Variants in FCHSD2 observed in about 807,000 individuals in gnomAD.
FCHSD2 encodes the protein F-BAR and double SH3 domains protein 2.
In FCHSD2, 38 loss-of-function variants were observed where a neutral mutation model predicts 108.1. The ratio of observed to expected loss-of-function variants is 0.35; its 90% CI spans 0.27 to 0.46. FCHSD2 has a LOEUF of 0.46. Ranked by LOEUF, FCHSD2 falls within the 20% of genes least tolerant of loss-of-function variation. The pLI is 1.00. For synonymous variants in FCHSD2, 279 were observed against 314.7 expected, an observed-to-expected ratio of 0.89 and a Z score of 1.20; for missense variants, 751 against 897.8, an observed-to-expected ratio of 0.84 and a Z score of 2.09.
chr11:72,905,512 A>G (rs1379101648), intron 9 of FCHSD2, among the ~76,000 whole-genome samples: 2 of 152,182 alleles, frequency 1.3e-5, no homozygotes, highest in Non-Finnish European at 2.9e-5. Flanking sequence ...ACAGGTATAC[A>G]TGTGCCATGC....
At chr11:72,912,573 C>T (rs1855785684) in intron 9 of FCHSD2, among the ~76,000 whole-genome samples, 1 of 152,030 alleles carries the variant, frequency 6.6e-6, no homozygotes, top group Non-Finnish European at 1.5e-5. Flanking sequence ...GGGATACTGG[C>T]TTGTAGTTTT....
At chr11:73,036,876 T>G (rs1263185783) in intron 3 of FCHSD2, among the ~76,000 whole-genome samples, 5 of 152,216 alleles carry the variant, frequency 3.3e-5, no homozygotes, top group African/African-American at 1.2e-4. Context: ...ATATTCTGCT[T>G]AATTGAAATT....
At chr11:73,032,737 G>A (rs985193819) in intron 3 of FCHSD2, among the ~76,000 whole-genome samples, 1 of 152,122 alleles carries the variant, frequency 6.6e-6, no homozygotes, top group Non-Finnish European at 1.5e-5. Flanking sequence ...TAAAAAAAAA[G>A]AGCCTGTAAC....
intron 14 of FCHSD2, 76 bp from the exon 15 acceptor site, chr11:72,843,608 C>T: frequency 1.1e-6 from 1 of 911,382 alleles, no homozygotes; most frequent in African/African-American, 1.7e-5. Flanking sequence ...ATGACAAAAA[C>T]TGGGGATCAA....
rs536777655 is a variant in FCHSD2 at position 72,896,637 on chromosome 11, G to C, written c.924+5906C>G. 1.4e-4 allele frequency among the ~76,000 whole-genome samples: 22 copies of C among 152,076 alleles called. No individual in the cohort carries two copies. The South Asian group carries it at 4.6e-3, about 32-fold the overall frequency. ...ACAAAAGTCCCAAGGGACTTTTAGTGATCAATCCAATAAGGGAGTTGAGAG... is the reference window on the plus strand; with the variant it reads ...ACAAAAGTCCCAAGGGACTTTTAGTCATCAATCCAATAAGGGAGTTGAGAG... On this transcript the variant is annotated intron_variant, in intron 10 of 19. Coordinates refer to ENST00000409418, the MANE Select transcript of FCHSD2 (RefSeq NM_014824.3).
rs1296088598 is a variant in FCHSD2, at chr11:73,142,034, G to A, written c.-157C>T. The A allele has an allele frequency of 1.7e-5, 11 of 660,916 alleles. No individual in the cohort carries two copies. The highest frequency in any genetic ancestry group is 7.5e-6 in the Non-Finnish European group (3 of 399,440). 40.9% of individuals were successfully genotyped at this position (660,916 alleles called of 1,614,324 possible). ...TGCCCCGGAGGGAGCAGGCCAGCGG[G>A]CGGCAGGCGGACCCCAGCCAGAGAG... On this transcript the variant is annotated 5_prime_UTR_variant, in exon 1 of 20. Coordinates refer to ENST00000409418, the MANE Select transcript of FCHSD2 (RefSeq NM_014824.3).
chr11:72,857,873 T>A (rs1861466684), intron 13 of FCHSD2, among the ~76,000 whole-genome samples: 3 of 152,114 alleles, frequency 2.0e-5, no homozygotes, highest in African/African-American at 4.8e-5. Context: ...AATCATGAGG[T>A]AGAAAGCAGG....
rs190618626 is a variant in FCHSD2 at position 73,007,460 on chromosome 11, A to G, written c.243-6326T>C. On this transcript the variant is annotated intron_variant, in intron 4 of 19. Coordinates refer to ENST00000409418, the MANE Select transcript of FCHSD2 (RefSeq NM_014824.3). Reference sequence around the variant, plus strand: ...ATATAACAAAACCTCATCTCTACAAAAAAAATTTTAAAATTAGCCAAGCAT... The same window carrying G: ...ATATAACAAAACCTCATCTCTACAAGAAAAATTTTAAAATTAGCCAAGCAT... 5.3e-5 allele frequency among the ~76,000 whole-genome samples: 8 copies of G among 152,232 alleles called. No individual in the cohort carries two copies. In the East Asian group the frequency reaches 1.5e-3, roughly 29 times the overall value.
At chr11:72,855,775 A>G (rs939145714) in intron 13 of FCHSD2, among the ~76,000 whole-genome samples, 1 of 152,226 alleles carries the variant, frequency 6.6e-6, no homozygotes, top group Non-Finnish European at 1.5e-5. Flanking sequence ...TCCGTGATAT[A>G]GTGAATATAA....
At chr11:72,847,082 G>C (rs571778302) in intron 14 of FCHSD2, among the ~76,000 whole-genome samples, 50 of 152,142 alleles carry the variant, frequency 3.3e-4, no homozygotes, top group African/African-American at 1.2e-3. Context: ...CTGCAGCCTC[G>C]ATCTCCTGGG....
intron 4 of FCHSD2, among the ~76,000 whole-genome samples, chr11:73,008,014 C>A (rs979584280): frequency 6.6e-6 from 1 of 152,050 alleles, no homozygotes; most frequent in Non-Finnish European, 1.5e-5. Context: ...AGAAATACAC[C>A]TTTCTACTGG....
intron 4 of FCHSD2, among the ~76,000 whole-genome samples, chr11:73,012,352 G>GA (rs1345761879): frequency 6.6e-6 from 1 of 152,056 alleles, no homozygotes; most frequent in Non-Finnish European, 1.5e-5. Flanking sequence ...GAATCACACA[G>GA]AAAAAAATGT....
At chr11:73,025,879 C>A (rs1591491855) in intron 3 of FCHSD2, among the ~76,000 whole-genome samples, 1 of 152,074 alleles carries the variant, frequency 6.6e-6, no homozygotes, top group Non-Finnish European at 1.5e-5. Context: ...CCGTAACCAT[C>A]CACATATACC....
At chr11:72,868,122 G>A (rs1036836532) in intron 12 of FCHSD2, 96 bp from the exon 13 acceptor site, 4 of 1,154,822 alleles carry the variant, frequency 3.5e-6, no homozygotes, top group Non-Finnish European at 4.9e-6. Flanking sequence ...TGATCGACTG[G>A]ATAAAGAAAA....
At chr11:73,011,933 C>T (rs976067518) in intron 4 of FCHSD2, among the ~76,000 whole-genome samples, 18 of 152,008 alleles carry the variant, frequency 1.2e-4, no homozygotes, top group East Asian at 3.8e-4. Context: ...GGAGGAGGTA[C>T]GAAGTGCCCC....
At chr11:72,843,698 A>C (rs1312499212) in intron 14 of FCHSD2, 166 bp from the exon 15 acceptor site, 1 of 600,704 alleles carries the variant, frequency 1.7e-6, no homozygotes, top group Non-Finnish European at 2.9e-6. Flanking sequence ...GTGAAGTTTT[A>C]CTTTAAAAAA....
chr11:73,063,367 GA>G (rs565117899), intron 3 of FCHSD2, among the ~76,000 whole-genome samples: 91 of 152,294 alleles, frequency 6.0e-4, no homozygotes, highest in African/African-American at 2.2e-3. Context: ...ACACTATGAA[GA>G]AACTGCATCA....
At chr11:73,085,626 G>A (rs1002852080) in intron 2 of FCHSD2, among the ~76,000 whole-genome samples, 2 of 152,006 alleles carry the variant, frequency 1.3e-5, no homozygotes, top group African/African-American at 4.8e-5. Context: ...GGAAGGTGCA[G>A]GTTCACAAAA....
chr11:72,950,502 T>C (rs1257440217), intron 8 of FCHSD2, among the ~76,000 whole-genome samples: 2 of 152,168 alleles, frequency 1.3e-5, no homozygotes, highest in African/African-American at 2.4e-5. Flanking sequence ...TTAATTTTTA[T>C]ATATGCTGTG....
Sources: allele counts gnomAD v4.1 joint callset (sites outside exome capture counted in the v4.1 genomes callset), GRCh38; gene constraint gnomAD v4.1.1; transcripts MANE v1.5; gene names NCBI Gene and HGNC (gene_info 2026-07-23, HGNC 2026-07-21).